The following FBXO32 variants were observed in gnomAD, a reference collection of about 807,000 sequenced individuals.
FBXO32 encodes the protein F-box protein 32.
In FBXO32, 15 loss-of-function variants were observed where a neutral mutation model predicts 48.3. The ratio of observed to expected loss-of-function variants is 0.31; its 90% CI spans 0.21 to 0.48. FBXO32 has a LOEUF of 0.48. FBXO32 is among the 20% of genes least tolerant of loss of function. The pLI is 0.99. For synonymous variants in FBXO32, 154 were observed against 165.9 expected, an observed-to-expected ratio of 0.93 and a Z score of 0.55; for missense variants, 309 against 432.7, an observed-to-expected ratio of 0.71 and a Z score of 2.54.
intron 4 of FBXO32, among the ~76,000 whole-genome samples, chr8:123,522,557 T>C (rs1385785938): frequency 6.6e-6 from 1 of 152,108 alleles, no homozygotes; most frequent in East Asian, 1.9e-4. Flanking sequence ...ATTACATCCA[T>C]CTAACAGCGA....
intron 4 of FBXO32, among the ~76,000 whole-genome samples, chr8:123,523,630 C>CA (rs1473243023): frequency 3.5e-4 from 51 of 147,074 alleles, no homozygotes; most frequent in South Asian, 1.1e-3. Flanking sequence ...CAACAACAAA[C>CA]AAACAAAAAA....
chr8:123,517,450 C>G (rs1018182674), intron 4 of FBXO32, among the ~76,000 whole-genome samples: 1 of 150,790 alleles, frequency 6.6e-6, no homozygotes, highest in Admixed American at 6.6e-5. Flanking sequence ...TGTGCTTCAT[C>G]CTATCTCAAG....
Position 123,513,941 on chromosome 8 carries a change from G to A in FBXO32, c.466+299C>T, listed in dbSNP as rs991504791. 3 of 309,542 alleles carry A rather than the reference G, an allele frequency of 9.7e-6. No homozygotes were observed. The highest frequency in any genetic ancestry group is 2.1e-5 in the African/African-American group (1 of 46,552). The allele number at this position is 309,542 out of a possible 1,614,324, so 19.2% of individuals were successfully genotyped here. A position where few individuals can be genotyped will look rare whatever the true frequency, so the allele number is the denominator to read the frequency against. On this transcript the variant is annotated intron_variant, in intron 5 of 8. Coordinates refer to ENST00000517956, the MANE Select transcript of FBXO32 (RefSeq NM_058229.4). This position sits in a 1 kb window ranked among gnomAD's most constrained non-coding sequence, Gnocchi z 4.3. ...TCGATTTTCTAGGAATTTGGGACCC[G>A]GAGGCTCGGTAGCCAGTGTTGGGAC... is the stretch of plus-strand genomic sequence containing the variant.
chr8:123,510,053 C>T (rs1816705414), intron 6 of FBXO32, among the ~76,000 whole-genome samples: 1 of 152,152 alleles, frequency 6.6e-6, no homozygotes, highest in East Asian at 1.9e-4. Context: ...AAATGCTAGC[C>T]ACTGTGATGA....
chr8:123,523,620 CAACAACA>C (rs1204712093), intron 4 of FBXO32, among the ~76,000 whole-genome samples: 7 of 141,622 alleles, frequency 4.9e-5, no homozygotes, highest in East Asian at 4.9e-4. Flanking sequence ...ACAACAACAA[CAACAACA>C]AACAAACAAA....
rs1816790795 is a variant in FBXO32, at chr8:123,514,133, A to T, written c.466+107T>A. Reference sequence around the variant, plus strand: ...AATGTAGCTGGAGTTATTCATTTCCATCCATTCACATGTCTTTAAGTCTAA... The same window carrying T: ...AATGTAGCTGGAGTTATTCATTTCCTTCCATTCACATGTCTTTAAGTCTAA... On this transcript the variant is annotated intron_variant, in intron 5 of 8. Coordinates refer to ENST00000517956, the MANE Select transcript of FBXO32 (RefSeq NM_058229.4). The T allele has an allele frequency of 6.9e-6, 5 of 729,778 alleles. 1 individual carries two copies. The East Asian group carries it at 1.5e-4, about 21-fold the overall frequency. The allele number at this position is 729,778 out of a possible 1,614,324, so 45.2% of individuals were successfully genotyped here.
Position 123,506,448 on chromosome 8 carries a change from T to A in FBXO32, c.778A>T (p.Ser260Cys), listed in dbSNP as rs1403652843. The A allele has an allele frequency of 6.2e-7, 1 of 1,614,116 alleles. No homozygotes were observed. The highest frequency in any genetic ancestry group is 1.1e-5 in the South Asian group (1 of 91,078). Residue 260 changes from serine to cysteine, a missense_variant, in exon 7 of 9, where the codon AGC (serine) becomes TGC (cysteine). By Grantham distance (112) the Ser-to-Cys change is moderately radical (BLOSUM62 -1). Transcript: ENST00000517956. This position sits in a 1 kb window ranked among gnomAD's most constrained non-coding sequence, Gnocchi z 4.0. ...GQAAPDLHVL[S>C]EDRLLWKKLC... ...TTCTTCCACAGCAGCCGGTCTTCGC[T>A]GAGCACGTGCAGGTCGGGGGCAGCC...
intron 6 of FBXO32, among the ~76,000 whole-genome samples, chr8:123,511,092 GT>G (rs966709992): frequency 6.6e-6 from 1 of 152,204 alleles, no homozygotes; most frequent in Non-Finnish European, 1.5e-5. Flanking sequence ...ATTAAAGAGA[GT>G]TTTTTAAAAA....
intron 6 of FBXO32, among the ~76,000 whole-genome samples, chr8:123,509,177 TA>T (rs1816689033): frequency 6.6e-6 from 1 of 152,216 alleles, no homozygotes; most frequent in East Asian, 1.9e-4. Context: ...GAATTAGATA[TA>T]AAAATTTTGC....
intron 4 of FBXO32, among the ~76,000 whole-genome samples, chr8:123,518,534 T>C (rs899682946): frequency 6.6e-6 from 1 of 152,274 alleles, no homozygotes; most frequent in African/African-American, 2.4e-5. Flanking sequence ...TATCTGTTGA[T>C]AAAAGTTAAT....
chr8:123,504,535 G>A (rs1816571297), intron 8 of FBXO32, 69 bp downstream of exon 8: 1 of 1,289,582 alleles, frequency 7.8e-7, no homozygotes, highest in Non-Finnish European at 1.0e-6. Context: ...GCCTCACCAT[G>A]CTGGCTGGCA....
intron 6 of FBXO32, among the ~76,000 whole-genome samples, chr8:123,508,948 A>G (rs896049212): frequency 1.3e-5 from 2 of 152,178 alleles, no homozygotes; most frequent in African/African-American, 4.8e-5. Context: ...TTTCGAATAT[A>G]AACGTATAAA....
At chr8:123,533,153 A>C in intron 3 of FBXO32, 38 bp downstream of exon 3, 1 of 1,501,326 alleles carries the variant, frequency 6.7e-7, no homozygotes, top group South Asian at 1.1e-5. Context: ...GGAAGGGATA[A>C]GGTTCAGTAT....
intron 1 of FBXO32, among the ~76,000 whole-genome samples, chr8:123,539,036 C>T (rs112664869): frequency 6.6e-6 from 1 of 152,298 alleles, no homozygotes; most frequent in African/African-American, 2.4e-5. Flanking sequence ...GACAGGGTCT[C>T]GCTCTGTGGC....
In FBXO32 at chr8:123,534,844, G is replaced by A; in HGVS notation, c.117-30C>T. 2.8e-6 allele frequency: 4 copies of A among 1,406,106 alleles called. No homozygotes were observed. In the South Asian group the frequency reaches 4.7e-5, roughly 16 times the overall value. The allele number at this position is 1,406,106 out of a possible 1,614,324, so 87.1% of individuals were successfully genotyped here. The stretch of plus-strand genomic sequence containing the variant: ...GAATAACAGAAGACAAAGAGGATGA[G>A]CTGTAACAGCTATACATGAACCTGA... On this transcript the variant is annotated intron_variant, in intron 1 of 8. Transcript: ENST00000517956.
At chr8:123,514,067 T>G in intron 5 of FBXO32, 173 bp downstream of exon 5, 27 of 539,296 alleles carry the variant, frequency 5.0e-5, no homozygotes, top group Middle Eastern at 4.1e-4. Context: ...GCCATGAGGA[T>G]GAGTTGTACC....
intron 1 of FBXO32, among the ~76,000 whole-genome samples, chr8:123,535,020 G>C (rs1035087482): frequency 2.6e-5 from 4 of 152,198 alleles, no homozygotes; most frequent in Non-Finnish European, 5.9e-5. Flanking sequence ...CACATCTGTG[G>C]GGAAGGCAGG....
intron 4 of FBXO32, among the ~76,000 whole-genome samples, chr8:123,526,335 C>T (rs1388321216): frequency 6.6e-6 from 1 of 152,002 alleles, no homozygotes; most frequent in Non-Finnish European, 1.5e-5. Context: ...AAGTGATTCT[C>T]CTGCCTCAGC....
At chr8:123,504,494 G>A (rs1413423752) in intron 8 of FBXO32, 110 bp downstream of exon 8, 4 of 868,492 alleles carry the variant, frequency 4.6e-6, no homozygotes, top group East Asian at 3.4e-5. Flanking sequence ...TCAGCTGGGG[G>A]CTGTGATGGG....
Sources: allele counts gnomAD v4.1 joint callset (sites outside exome capture counted in the v4.1 genomes callset), GRCh38; gene constraint gnomAD v4.1.1; non-coding constraint Gnocchi (gnomAD v3.1); transcripts MANE v1.5; gene names NCBI Gene and HGNC (gene_info 2026-07-23, HGNC 2026-07-21).